The following KTN1 variants were observed in gnomAD, a reference collection of about 807,000 sequenced individuals.
KTN1 encodes the protein kinectin.
KTN1 carries 130 observed loss-of-function variants against 222.5 expected under a neutral mutation model. The ratio of observed to expected loss-of-function variants is 0.58; its 90% CI spans 0.51 to 0.68. KTN1 has a LOEUF of 0.68. KTN1 is among the 30% of genes least tolerant of loss of function. KTN1 has a pLI of 0.00. For synonymous variants in KTN1, 512 were observed against 496.3 expected, an observed-to-expected ratio of 1.03 and a Z score of -0.42; for missense variants, 1,508 against 1,500.4, an observed-to-expected ratio of 1.01 and a Z score of -0.08.
Position 55,678,355 on chromosome 14 carries a change from C to CAAACA in KTN1, c.3861_3862insACAAA (p.Gln1288ThrfsTer12). 1 of 1,597,164 alleles carries CAAACA rather than the reference C, an allele frequency of 6.3e-7. No individual in the cohort carries two copies. The highest frequency in any genetic ancestry group is 8.6e-7 in the Non-Finnish European group (1 of 1,164,736). On this transcript the variant is annotated frameshift_variant, in exon 42 of 44. Coordinates refer to ENST00000395314, the MANE Select transcript of KTN1 (RefSeq NM_001079521.2). LOFTEE classifies it high-confidence loss of function. ...TACCATATTGTTTTCCTTATAGGCT[C>CAAACA]AACAGTCACTGGAGCTTATCCAGTC...
chr14:55,640,222 A>G (rs1487026539), intron 14 of KTN1, 152 bp from the exon 15 acceptor site: 3 of 659,222 alleles, frequency 4.6e-6, no homozygotes, highest in African/African-American at 1.8e-5. Flanking sequence ...TGATAGGAAT[A>G]TGCTAAATAA....
intron 25 of KTN1, among the ~76,000 whole-genome samples, chr14:55,652,541 G>GGT (rs2043028431): frequency 1.3e-5 from 2 of 151,996 alleles, no homozygotes; most frequent in South Asian, 2.1e-4. Flanking sequence ...TGGGACTACA[G>GGT]GCGCGTACCA....
intron 1 of KTN1, among the ~76,000 whole-genome samples, chr14:55,582,133 C>T (rs79483151): frequency 0.06 from 9,191 of 152,190 alleles, 382 homozygotes; most frequent in South Asian, 0.09. Context: ...GAAAAATTTT[C>T]TTAATACTTG....
chr14:55,650,475 T>C (rs1369818799), intron 23 of KTN1, 57 bp downstream of exon 23: 3 of 1,501,306 alleles, frequency 2.0e-6, no homozygotes, highest in African/African-American at 2.8e-5. Context: ...TTAGTTAATA[T>C]CATTTAATTT....
At chr14:55,653,408 C>T in intron 27 of KTN1, 151 bp from the exon 28 acceptor site, 2 of 607,604 alleles carry the variant, frequency 3.3e-6, no homozygotes, top group South Asian at 2.4e-5. Context: ...AAAACTCATT[C>T]TGTCCTTGCT....
intron 7 of KTN1, 88 bp downstream of exon 7, chr14:55,630,185 T>TA: frequency 8.6e-7 from 1 of 1,161,704 alleles, no homozygotes; most frequent in Non-Finnish European, 1.3e-6. Flanking sequence ...ACAAGGCCCT[T>TA]TCTTGGGCCA....
chr14:55,637,799 G>T lies in KTN1; in HGVS notation c.1737G>T (p.Glu579Asp), dbSNP rs201224728. The stretch of plus-strand genomic sequence containing the variant: ...GAAAGGATATTTTGGAGCAGAATGA[G>T]GCTTTGAAAGCTCAAATTCAGCAGT... ...MQVQDILEQN[E>D]ALKAQIQQFH... is the part of the protein sequence containing the mutation. The change falls in exon 12 of 44, where the codon GAG becomes GAT. Residue 579 changes from glutamate (E) to aspartate (D), a missense_variant. Transcript: ENST00000395314. 2.2e-4 allele frequency: 355 copies of T among 1,610,790 alleles called. No homozygotes were observed. Among genetic ancestry groups the T allele is most frequent in the Non-Finnish European group, 2.8e-4 (327 of 1,177,986 alleles).
At chr14:55,629,423 A>AG (rs1483708813) in intron 6 of KTN1, among the ~76,000 whole-genome samples, 2 of 151,470 alleles carry the variant, frequency 1.3e-5, no homozygotes, top group Non-Finnish European at 3.0e-5. Flanking sequence ...GTCTCAAAAA[A>AG]AAAAAAAAAA....
At position 55,594,597 on chromosome 14, in the gene KTN1, A is replaced by G. The variant is rs189277699; in HGVS notation, c.-31+14243A>G. ...CTCCAACTTGAAAATCAAATATCCAATGTTTTGAATTCATTCTTGAAAACC... is the reference window on the plus strand; with the variant it reads ...CTCCAACTTGAAAATCAAATATCCAGTGTTTTGAATTCATTCTTGAAAACC... On this transcript the variant is annotated intron_variant, in intron 1 of 43. Transcript: ENST00000395314. 2.0e-3 allele frequency among the ~76,000 whole-genome samples: 306 copies of G among 151,808 alleles called. 3 individuals carry two copies. Among genetic ancestry groups the G allele is most frequent in the Non-Finnish European group, 2.6e-3 (180 of 67,958 alleles).
chr14:55,650,743 A>G (rs894929279), intron 24 of KTN1, 106 bp downstream of exon 24: 7 of 721,256 alleles, frequency 9.7e-6, no homozygotes, highest in South Asian at 5.6e-5. Context: ...TGCTGTAGGT[A>G]TATTGGGTTA....
intron 24 of KTN1, among the ~76,000 whole-genome samples, 153 bp downstream of exon 24, chr14:55,650,790 A>G (rs2042861971): frequency 1.3e-5 from 2 of 152,110 alleles, no homozygotes; most frequent in African/African-American, 4.8e-5. Flanking sequence ...GATTTGAGAA[A>G]GTATTCTTGA....
chr14:55,666,967 A>C (rs1203906713), intron 33 of KTN1, among the ~76,000 whole-genome samples: 1 of 152,020 alleles, frequency 6.6e-6, no homozygotes, highest in Non-Finnish European at 1.5e-5. Flanking sequence ...CAGGCAAATC[A>C]CTTGATTTCT....
chr14:55,660,389 G>GTT (rs34898734), intron 31 of KTN1, among the ~76,000 whole-genome samples: 24 of 121,760 alleles, frequency 2.0e-4, no homozygotes, highest in Non-Finnish European at 3.6e-4. Flanking sequence ...TTCTTAAGGA[G>GTT]TTTTTTTTTT....
intron 29 of KTN1, among the ~76,000 whole-genome samples, chr14:55,657,475 G>A (rs2043625357): frequency 2.0e-5 from 3 of 150,348 alleles, no homozygotes; most frequent in African/African-American, 4.9e-5. Flanking sequence ...TATTATATGA[G>A]GTGATTTATT....
chr14:55,594,379 ATAAT>A (rs1228083719), intron 1 of KTN1, among the ~76,000 whole-genome samples: 2 of 152,260 alleles, frequency 1.3e-5, no homozygotes, highest in Admixed American at 6.5e-5. Flanking sequence ...TGATTATATA[ATAAT>A]TAGTTAGACT....
intron 1 of KTN1, 123 bp downstream of exon 1, chr14:55,580,477 G>C (rs2031119561): frequency 6.8e-6 from 1 of 147,224 alleles, no homozygotes; most frequent in Non-Finnish European, 1.5e-5. Context: ...GCGCGGCCGC[G>C]GGGCCCGGAC....
At chr14:55,681,713 A>G in intron 43 of KTN1, 1 of 152,168 alleles carries the variant, frequency 6.6e-6, no homozygotes, top group East Asian at 1.9e-4. Flanking sequence ...GTATTATATC[A>G]TGAATGATAG....
At chr14:55,641,276 C>G (rs1478646758) in intron 17 of KTN1, 68 bp downstream of exon 17, 2 of 870,390 alleles carry the variant, frequency 2.3e-6, no homozygotes, top group Non-Finnish European at 3.6e-6. Context: ...TTGAGTGATT[C>G]CAGAAATACT....
chr14:55,676,723 T>C (rs995855199), intron 41 of KTN1, among the ~76,000 whole-genome samples: 2 of 152,202 alleles, frequency 1.3e-5, no homozygotes, highest in African/African-American at 2.4e-5. Flanking sequence ...TTAAAAGTTA[T>C]CTCATTTTAA....
Sources: allele counts gnomAD v4.1 joint callset (sites outside exome capture counted in the v4.1 genomes callset), GRCh38; gene constraint gnomAD v4.1.1; transcripts MANE v1.5; gene names NCBI Gene and HGNC (gene_info 2026-07-23, HGNC 2026-07-21).